DGKI: variants seen among roughly 807,000 people sequenced by gnomAD.
DGKI encodes DAG kinase iota.
DGKI carries 55 observed loss-of-function variants against 147.5 expected under a neutral mutation model. The observed-to-expected ratio is 0.37, with a 90% confidence interval of 0.30 to 0.47. DGKI has a LOEUF of 0.47. Among genes scored for constraint, DGKI ranks in the 20% least tolerant of loss-of-function variants. DGKI has a pLI of 1.00. For missense variants in DGKI, 1,007 were observed against 1,323.8 expected (o/e 0.76, Z 3.71); for synonymous variants, 469 against 477.1 (o/e 0.98, Z 0.22).
intron 21 of DGKI, among the ~76,000 whole-genome samples, chr7:137,510,111 G>A (rs756176813): frequency 3.9e-5 from 6 of 152,160 alleles, no homozygotes; most frequent in Non-Finnish European, 7.3e-5. Flanking sequence ...AGCAAGTATG[G>A]GCAGAAGGCC....
chr7:137,676,672 GA>G (rs1386107192), intron 3 of DGKI, among the ~76,000 whole-genome samples: 1 of 152,188 alleles, frequency 6.6e-6, no homozygotes, highest in African/African-American at 2.4e-5. Flanking sequence ...GGAAGCTTCA[GA>G]AGGAAACTGG....
intron 1 of DGKI, among the ~76,000 whole-genome samples, chr7:137,783,025 T>C (rs1796566638): frequency 6.6e-6 from 1 of 151,984 alleles, no homozygotes. Context: ...TCTACCCAAA[T>C]GAGAAGAAAC....
intron 1 of DGKI, among the ~76,000 whole-genome samples, chr7:137,789,101 T>C (rs1047868288): frequency 6.6e-6 from 1 of 152,286 alleles, no homozygotes. Context: ...CAATGAAAGT[T>C]TGGGGAATAA....
chr7:137,552,347 G>A (rs771961265), intron 20 of DGKI, 22 bp downstream of exon 20: 2 of 1,611,630 alleles, frequency 1.2e-6, no homozygotes, highest in Non-Finnish European at 1.7e-6. Flanking sequence ...TGTTAAGCAA[G>A]GTAGGCCATG....
chr7:137,609,570 T>C lies in DGKI; in HGVS notation c.1033A>G (p.Ser345Gly). The change falls in exon 9 of 33, where the codon AGC (serine) becomes GGC (glycine). Residue 345 changes from serine (S) to glycine (G), a missense_variant. Coordinates refer to ENST00000614521, the MANE Select transcript of DGKI (RefSeq NM_001321708.2). ...KASNRKKKRTSFKRKASKRGM... is the reference protein window; with the variant it reads ...KASNRKKKRTGFKRKASKRGM... ...CTTTTACTGGCTTTTCTTTTAAAGC[T>C]TGTTCTCTTCTTCTTCCGATTTGAA... 6.2e-7 allele frequency: 1 copy of C among 1,613,518 alleles called. No homozygotes were observed. The highest frequency in any genetic ancestry group is 8.5e-7 in the Non-Finnish European group (1 of 1,179,620).
intron 28 of DGKI, among the ~76,000 whole-genome samples, chr7:137,426,523 T>C (rs111253664): frequency 6.6e-6 from 1 of 152,120 alleles, no homozygotes; most frequent in African/African-American, 2.4e-5. Flanking sequence ...AACATCATAA[T>C]GACAGGATCA....
chr7:137,651,608 A>G (rs1822028894), intron 5 of DGKI, among the ~76,000 whole-genome samples: 3 of 152,232 alleles, frequency 2.0e-5, no homozygotes. Flanking sequence ...TAAAGTTAGG[A>G]GTTGTCAGCC....
chr7:137,413,586 C>T (rs1369504395), intron 28 of DGKI, among the ~76,000 whole-genome samples: 1 of 152,198 alleles, frequency 6.6e-6, no homozygotes, highest in Non-Finnish European at 1.5e-5. Context: ...TCTTCAGCTG[C>T]ACCCATGTTG....
intron 5 of DGKI, among the ~76,000 whole-genome samples, chr7:137,650,369 T>C (rs532695595): frequency 6.6e-6 from 1 of 152,284 alleles, no homozygotes; most frequent in East Asian, 1.9e-4. Context: ...ATTATTATGG[T>C]ATACAAAGTG....
At chr7:137,688,423 G>C (rs1823496100) in intron 2 of DGKI, among the ~76,000 whole-genome samples, 1 of 152,148 alleles carries the variant, frequency 6.6e-6, no homozygotes, top group Non-Finnish European at 1.5e-5. Flanking sequence ...CCATGAAATA[G>C]GGCCATGATT....
chr7:137,620,054 C>G (rs1433499590), intron 7 of DGKI, 114 bp from the exon 8 acceptor site: 17 of 733,948 alleles, frequency 2.3e-5, no homozygotes, highest in Admixed American at 1.0e-4. Context: ...CACACACACA[C>G]TCATTACATG....
chr7:137,386,071 A>G lies in DGKI; in HGVS notation c.*5149T>C, dbSNP rs543381433. 1 of 152,288 alleles carries G rather than the reference A, an allele frequency of 6.6e-6. No individual in the cohort carries two copies. Among genetic ancestry groups the G allele is most frequent in the South Asian group, 2.1e-4 (1 of 4,828 alleles). 9.4% of individuals were successfully genotyped at this position (152,288 alleles called of 1,614,324 possible). On this transcript the variant is annotated 3_prime_UTR_variant, in exon 33 of 33. Coordinates refer to ENST00000614521, the MANE Select transcript of DGKI (RefSeq NM_001321708.2). ...CATGCATAACTGAATACATATGTAAATAGACTCTGGAGTCTATGCATTATG... is the reference window on the plus strand; with the variant it reads ...CATGCATAACTGAATACATATGTAAGTAGACTCTGGAGTCTATGCATTATG...
intron 1 of DGKI, among the ~76,000 whole-genome samples, chr7:137,760,896 G>A (rs1795839434): frequency 6.6e-6 from 1 of 152,092 alleles, no homozygotes; most frequent in African/African-American, 2.4e-5. Context: ...CTCTAGTCCA[G>A]GCAATTCCCT....
At chr7:137,445,306 CAATT>C (rs1341280219) in intron 27 of DGKI, among the ~76,000 whole-genome samples, 1 of 152,140 alleles carries the variant, frequency 6.6e-6, no homozygotes, top group African/African-American at 2.4e-5. Context: ...GGCAAAGTAT[CAATT>C]TATTTCAACT....
At position 137,463,501 on chromosome 7, in the gene DGKI, G is replaced by A. The variant is rs751332332; in HGVS notation, c.2723C>T (p.Ser908Phe). Residue 908 changes from serine to phenylalanine, a missense_variant, in exon 27 of 33, where the codon TCC becomes TTC. Physicochemically the swap from Ser to Phe is radical, Grantham distance 155. Around this residue, in one of 5 missense-constraint regions of DGKI, gnomAD observed 385 missense variants for 445.2 expected, o/e 0.86. Transcript: ENST00000614521. ...AGAGAACTCTTACTGTAGCACGCGG[G>A]AGTGGCTGAGATCTTTCAGATCTGA... is the stretch of plus-strand genomic sequence containing the variant. ...EDSDLKDLSH[S>F]RVLQSPVSSE... 2 of 1,614,108 alleles carry A rather than the reference G, an allele frequency of 1.2e-6. No homozygotes were observed. Among genetic ancestry groups the A allele is most frequent in the East Asian group, 4.5e-5 (2 of 44,878 alleles).
At chr7:137,516,913 G>T (rs1017472965) in intron 21 of DGKI, among the ~76,000 whole-genome samples, 4 of 151,924 alleles carry the variant, frequency 2.6e-5, no homozygotes, top group Admixed American at 6.6e-5. Context: ...TATTCCTAAA[G>T]AATAGAGTAG....
intron 5 of DGKI, among the ~76,000 whole-genome samples, chr7:137,650,988 G>T (rs1409033718): frequency 1.3e-5 from 2 of 152,186 alleles, no homozygotes; most frequent in Admixed American, 6.5e-5. Flanking sequence ...GGAGGTGGCT[G>T]GAAGGGCAGG....
At chr7:137,495,589 C>A (rs1479652097) in intron 21 of DGKI, among the ~76,000 whole-genome samples, 1 of 149,014 alleles carries the variant, frequency 6.7e-6, no homozygotes, top group East Asian at 2.0e-4. Flanking sequence ...AATCCAGCAA[C>A]ACATCAGAAA....
chr7:137,447,104 A>T (rs983690562), intron 27 of DGKI, among the ~76,000 whole-genome samples: 1 of 152,122 alleles, frequency 6.6e-6, no homozygotes, highest in African/African-American at 2.4e-5. Context: ...GTTTTTATTT[A>T]TTTTGGTACT....
Sources: gnomAD v4.1 joint callset for allele counts (sites outside exome capture counted in the v4.1 genomes callset) on GRCh38, gnomAD v4.1.1 for gene constraint, gnomAD v4.1.1 regional missense constraint, MANE v1.5 for transcripts, NCBI Gene and HGNC (gene_info 2026-07-23, HGNC 2026-07-21) for gene names.